The following PLCH1 variants were observed in gnomAD, a reference collection of about 807,000 sequenced individuals.
PLCH1 encodes the protein 1-phosphatidylinositol 4,5-bisphosphate phosphodiesterase eta-1.
PLCH1 carries 60 observed loss-of-function variants against 126.7 expected under a neutral mutation model. The ratio of observed to expected loss-of-function variants is 0.47; its 90% CI spans 0.38 to 0.59. The LOEUF (loss-of-function observed/expected upper bound fraction) is 0.59. PLCH1 is among the 20% of genes least tolerant of loss of function. PLCH1 has a pLI of 0.00. For missense variants in PLCH1, 1,723 were observed against 2,040.0 expected (o/e 0.84, Z 2.99); for synonymous variants, 719 against 734.9 (o/e 0.98, Z 0.35).
chr3:155,642,326 G>A (rs141488575), intron 2 of PLCH1, among the ~76,000 whole-genome samples: 1 of 152,206 alleles, frequency 6.6e-6, no homozygotes, highest in East Asian at 1.9e-4. Flanking sequence ...AAAGTAGAAA[G>A]CAAAAACCAC....
chr3:155,487,444 T>G (rs1442114351), intron 21 of PLCH1, among the ~76,000 whole-genome samples: 1 of 152,208 alleles, frequency 6.6e-6, no homozygotes, highest in Non-Finnish European at 1.5e-5. Context: ...ACCTATTGAT[T>G]TGTAAACCTC....
chr3:155,517,616 A>G (rs1720521549), intron 11 of PLCH1, among the ~76,000 whole-genome samples: 1 of 152,100 alleles, frequency 6.6e-6, no homozygotes, highest in South Asian at 2.1e-4. Context: ...TCTTCTTATG[A>G]GGACATTGTC....
chr3:155,484,745 A>C (rs1481100498), intron 22 of PLCH1, among the ~76,000 whole-genome samples: 1 of 152,194 alleles, frequency 6.6e-6, no homozygotes, highest in Non-Finnish European at 1.5e-5. Flanking sequence ...ACTCAAATTA[A>C]GGAAAAAGAC....
chr3:155,568,626 C>G lies in PLCH1; in HGVS notation c.772-302G>C, dbSNP rs559146982. Reference sequence around the variant, plus strand: ...GAATCCATTGCCAAAAATACACTCACTATAAGCTAGCAGCTATCTGCAAAA... The same window carrying G: ...GAATCCATTGCCAAAAATACACTCAGTATAAGCTAGCAGCTATCTGCAAAA... On this transcript the variant is annotated intron_variant, in intron 6 of 22. Coordinates refer to ENST00000460012, the MANE Select transcript of PLCH1 (RefSeq NM_014996.4). Among the ~76,000 whole-genome samples the G allele has an allele frequency of 6.6e-5, 10 of 152,312 alleles. No individual in the cohort carries two copies. The South Asian group carries it at 2.1e-3, about 32-fold the overall frequency.
chr3:155,562,934 T>G (rs1375210938), intron 8 of PLCH1, among the ~76,000 whole-genome samples: 2 of 152,186 alleles, frequency 1.3e-5, no homozygotes, highest in East Asian at 3.9e-4. Flanking sequence ...GGTAACCAAC[T>G]GCCCACTAAC....
At chr3:155,592,495 C>CATCTCAAA (rs1553849401) in intron 4 of PLCH1, among the ~76,000 whole-genome samples, 2 of 135,928 alleles carry the variant, frequency 1.5e-5, no homozygotes, top group South Asian at 2.4e-4. Flanking sequence ...ACTCCATCTC[C>CATCTCAAA]AAAAAAAAAA....
chr3:155,516,566 T>C (rs1420754309), intron 11 of PLCH1, among the ~76,000 whole-genome samples: 1 of 152,050 alleles, frequency 6.6e-6, no homozygotes, highest in Non-Finnish European at 1.5e-5. Context: ...AGTCTTTGAG[T>C]GAACAAGTCC....
At chr3:155,533,152 A>G (rs902300787) in intron 10 of PLCH1, among the ~76,000 whole-genome samples, 5 of 152,244 alleles carry the variant, frequency 3.3e-5, no homozygotes, top group African/African-American at 1.2e-4. Flanking sequence ...AGATCTGTGC[A>G]ACTTTCAACT....
chr3:155,712,614 C>G (rs1747212774), intron 1 of PLCH1, among the ~76,000 whole-genome samples: 1 of 152,008 alleles, frequency 6.6e-6, no homozygotes, highest in Non-Finnish European at 1.5e-5. Context: ...GTAGCAGATG[C>G]CTGTAATCCC....
At chr3:155,504,750 A>C (rs959769224) in intron 12 of PLCH1, 124 bp from the exon 13 acceptor site, 1 of 638,954 alleles carries the variant, frequency 1.6e-6, no homozygotes, top group Non-Finnish European at 2.8e-6. Flanking sequence ...AGAAACAAGC[A>C]GACTCCACTC....
At chr3:155,515,198 A>G (rs1420646936) in intron 11 of PLCH1, among the ~76,000 whole-genome samples, 1 of 152,244 alleles carries the variant, frequency 6.6e-6, no homozygotes, top group African/African-American at 2.4e-5. Context: ...GAGAGAAATC[A>G]AGTAAGTTGT....
chr3:155,464,890 C>T lies in PLCH1; in HGVS notation c.2938+20466G>A, dbSNP rs1712870068. Among the ~76,000 whole-genome samples the T allele has an allele frequency of 2.0e-5, 3 of 152,106 alleles. No homozygotes were observed. In the South Asian group the frequency reaches 6.2e-4, roughly 32 times the overall value. ...CTTTGGGAGGCCAAGGCAGGTGGAT[C>T]ACAAGGTCAGGAGATCGAGACCATA... On this transcript the variant is annotated intron_variant, in intron 21 of 21. Transcript: ENST00000494598.
chr3:155,531,296 T>A (rs565375922), intron 10 of PLCH1, among the ~76,000 whole-genome samples: 1 of 152,338 alleles, frequency 6.6e-6, no homozygotes, highest in African/African-American at 2.4e-5. Context: ...GATGGCATCA[T>A]CTCCCAATAT....
rs185482193 is a variant in PLCH1, at chr3:155,743,663, A to C, written c.-41+1177T>G. 5 of 384,592 alleles carry C rather than the reference A, an allele frequency of 1.3e-5. No homozygotes were observed. The East Asian group carries it at 3.1e-4, about 24-fold the overall frequency. The allele number at this position is 384,592 out of a possible 1,614,324, so 23.8% of individuals were successfully genotyped here. ...AACGCTGAGGCAACTGAAAAAAACT[A>C]CCGCCTCTTCTGGGAAATCCTTTGT... On this transcript the variant is annotated intron_variant, in intron 1 of 22. Transcript: ENST00000460012.
At chr3:155,487,515 C>G (rs948094854) in intron 21 of PLCH1, among the ~76,000 whole-genome samples, 1 of 152,156 alleles carries the variant, frequency 6.6e-6, no homozygotes, top group African/African-American at 2.4e-5. Flanking sequence ...TTTACATGGT[C>G]GCCTTTTCAG....
At chr3:155,490,235 AC>A (rs1715969140) in intron 19 of PLCH1, among the ~76,000 whole-genome samples, 1 of 152,234 alleles carries the variant, frequency 6.6e-6, no homozygotes, top group Admixed American at 6.5e-5. Context: ...TTAAAAGATT[AC>A]AAATAAAAAG....
At position 155,621,806 on chromosome 3, in the gene PLCH1, G is replaced by A. The variant is rs375096958; in HGVS notation, c.80-25428C>T. On this transcript the variant is annotated intron_variant, in intron 2 of 22. Coordinates refer to ENST00000460012, the MANE Select transcript of PLCH1 (RefSeq NM_014996.4). ...TTTGATTGGTGTATCTGAAAGTGAC[G>A]GGGAGAATGGAACCAAGTTGGAAAA... is the stretch of plus-strand genomic sequence containing the variant. 4.6e-5 allele frequency among the ~76,000 whole-genome samples: 7 copies of A among 152,242 alleles called. No individual in the cohort carries two copies. The East Asian group carries it at 9.6e-4, about 21-fold the overall frequency.
intron 1 of PLCH1, among the ~76,000 whole-genome samples, chr3:155,737,635 A>C (rs1383502306): frequency 6.6e-6 from 1 of 152,206 alleles, no homozygotes; most frequent in Non-Finnish European, 1.5e-5. Flanking sequence ...CTTCTTTAAA[A>C]AATAAATTTT....
At chr3:155,704,095 G>C in intron 2 of PLCH1, 51 bp downstream of exon 2, 13 of 811,364 alleles carry the variant, frequency 1.6e-5, no homozygotes, top group Non-Finnish European at 2.2e-5. Context: ...TAAAAGTCCT[G>C]TCAGAAACAA....
Sources: allele counts gnomAD v4.1 joint callset (sites outside exome capture counted in the v4.1 genomes callset), GRCh38; gene constraint gnomAD v4.1.1; transcripts MANE v1.5; gene names NCBI Gene and HGNC (gene_info 2026-07-23, HGNC 2026-07-21).